The following WDR70 variants were observed in gnomAD, a reference collection of about 807,000 sequenced individuals.
WDR70 encodes WD repeat domain 70.
In WDR70, 53 loss-of-function variants were observed where a neutral mutation model predicts 88.6. That is an observed-to-expected ratio of 0.60 (90% confidence interval 0.48 to 0.75). WDR70 has a LOEUF of 0.75. WDR70 is among the 30% of genes least tolerant of loss of function. The pLI, the probability that WDR70 is intolerant of heterozygous loss-of-function variation, is 0.00. For synonymous variants in WDR70, 280 were observed against 270.0 expected (o/e 1.04, Z -0.36); for missense variants, 610 against 823.2 (o/e 0.74, Z 3.17).
chr5:37,532,751 C>A (rs1346435813), intron 9 of WDR70, among the ~76,000 whole-genome samples: 1 of 152,062 alleles, frequency 6.6e-6, no homozygotes, highest in Non-Finnish European at 1.5e-5. Flanking sequence ...CTTCTAAATT[C>A]TTTTTCTGGC....
intron 8 of WDR70, among the ~76,000 whole-genome samples, chr5:37,482,645 T>G (rs963012241): frequency 5.9e-5 from 9 of 152,232 alleles, no homozygotes; most frequent in Admixed American, 5.9e-4. Flanking sequence ...TTTGACTTCT[T>G]GCTTGATTGC....
intron 9 of WDR70, among the ~76,000 whole-genome samples, chr5:37,533,964 C>A (rs4869527): frequency 6.6e-6 from 1 of 151,934 alleles, no homozygotes; most frequent in African/African-American, 2.4e-5. Context: ...AGCAGACTTA[C>A]AGTTTTTCGG....
intron 17 of WDR70, among the ~76,000 whole-genome samples, chr5:37,736,389 G>C (rs1748305380): frequency 6.6e-6 from 1 of 152,164 alleles, no homozygotes; most frequent in African/African-American, 2.4e-5. Flanking sequence ...TCCATTTAAA[G>C]TCATGTTGAG....
intron 7 of WDR70, among the ~76,000 whole-genome samples, chr5:37,466,562 C>T (rs758154396): frequency 2.4e-4 from 36 of 151,662 alleles, no homozygotes; most frequent in East Asian, 5.9e-4. Context: ...AAAAATTAGC[C>T]GGGCATGGTG....
chr5:37,464,631 G>C (rs1013031766), intron 7 of WDR70, among the ~76,000 whole-genome samples: 8 of 152,214 alleles, frequency 5.3e-5, no homozygotes, highest in African/African-American at 1.9e-4. Flanking sequence ...CCCTGTTTGA[G>C]GGGGCATGGC....
chr5:37,707,138 T>C (rs1473368978), intron 13 of WDR70, among the ~76,000 whole-genome samples: 2 of 152,248 alleles, frequency 1.3e-5, no homozygotes, highest in Non-Finnish European at 2.9e-5. Context: ...AATGATAATT[T>C]ATTGTGAAAT....
intron 9 of WDR70, among the ~76,000 whole-genome samples, chr5:37,551,931 C>T (rs1044086673): frequency 1.2e-4 from 18 of 151,670 alleles, no homozygotes; most frequent in Non-Finnish European, 2.4e-4. Context: ...ACCACCATGC[C>T]CGGCTAATTT....
chr5:37,712,641 A>T (rs979178425), intron 13 of WDR70, among the ~76,000 whole-genome samples: 2 of 152,164 alleles, frequency 1.3e-5, no homozygotes, highest in Admixed American at 6.5e-5. Flanking sequence ...TACTGATGTG[A>T]TATAGTACTT....
At chr5:37,553,484 A>T (rs186795142) in intron 9 of WDR70, among the ~76,000 whole-genome samples, 1 of 152,308 alleles carries the variant, frequency 6.6e-6, no homozygotes, top group African/African-American at 2.4e-5. Context: ...TTTTCTACAA[A>T]ATAAAATAGA....
At chr5:37,663,977 T>C (rs1209545417) in intron 10 of WDR70, among the ~76,000 whole-genome samples, 1 of 152,194 alleles carries the variant, frequency 6.6e-6, no homozygotes, top group Non-Finnish European at 1.5e-5. Flanking sequence ...TCTAACTTTT[T>C]TTATTGCCAG....
intron 3 of WDR70, among the ~76,000 whole-genome samples, chr5:37,389,620 G>A (rs1436745227): frequency 1.3e-5 from 2 of 152,042 alleles, no homozygotes; most frequent in East Asian, 1.9e-4. Context: ...CCCCGTGTTC[G>A]CCAAGATGGT....
At chr5:37,447,120 G>T (rs1280932903) in intron 7 of WDR70, among the ~76,000 whole-genome samples, 2 of 152,156 alleles carry the variant, frequency 1.3e-5, no homozygotes, top group Admixed American at 1.3e-4. Flanking sequence ...ATCAAAAAGT[G>T]GGTGAAGGAT....
intron 9 of WDR70, among the ~76,000 whole-genome samples, chr5:37,543,591 A>G (rs1010698971): frequency 1.3e-5 from 2 of 152,144 alleles, no homozygotes; most frequent in Admixed American, 6.6e-5. Context: ...TATTTATTGT[A>G]CTATTTAAAC....
At chr5:37,475,402 T>C (rs1267991565) in intron 7 of WDR70, among the ~76,000 whole-genome samples, 3 of 151,058 alleles carry the variant, frequency 2.0e-5, no homozygotes, top group Admixed American at 2.0e-4. Flanking sequence ...GCCCAGCTAA[T>C]TTTTTTTGTA....
At chr5:37,725,960 C>T (rs531710475) in intron 16 of WDR70, among the ~76,000 whole-genome samples, 2 of 152,160 alleles carry the variant, frequency 1.3e-5, no homozygotes, top group Non-Finnish European at 2.9e-5. Flanking sequence ...CACCTTACTT[C>T]TTTCCTGCTC....
At chr5:37,725,882 T>C (rs145575242) in intron 16 of WDR70, among the ~76,000 whole-genome samples, 142 of 152,234 alleles carry the variant, frequency 9.3e-4, no homozygotes, top group Middle Eastern at 6.8e-3. Flanking sequence ...AGCTTCCCAC[T>C]GTCCAATTGT....
chr5:37,703,330 T>TAG (rs1473095611), intron 13 of WDR70, among the ~76,000 whole-genome samples: 1 of 152,184 alleles, frequency 6.6e-6, no homozygotes, highest in African/African-American at 2.4e-5. Context: ...GGTTTCCCTC[T>TAG]CTGCCAAACA....
At chr5:37,579,251 G>A (rs547582349) in intron 9 of WDR70, among the ~76,000 whole-genome samples, 2 of 152,280 alleles carry the variant, frequency 1.3e-5, no homozygotes, top group Admixed American at 6.5e-5. Flanking sequence ...AATTTTTAAT[G>A]TATTCACTTC....
At chr5:37,438,745 T>C (rs1750560128) in intron 6 of WDR70, among the ~76,000 whole-genome samples, 1 of 152,272 alleles carries the variant, frequency 6.6e-6, no homozygotes, top group African/African-American at 2.4e-5. Flanking sequence ...CAGTTTTTCT[T>C]TTGAAAATAT....
Sources: gnomAD v4.1 joint callset for allele counts (sites outside exome capture counted in the v4.1 genomes callset) on GRCh38, gnomAD v4.1.1 for gene constraint, MANE v1.5 for transcripts, NCBI Gene and HGNC (gene_info 2026-07-23, HGNC 2026-07-21) for gene names.